SREBF2: variants seen among roughly 807,000 people sequenced by gnomAD.
SREBF2 encodes sterol regulatory element-binding protein 2.
SREBF2 carries 55 observed loss-of-function variants against 113.1 expected under a neutral mutation model. The ratio of observed to expected loss-of-function variants is 0.49; its 90% CI spans 0.39 to 0.61. The LOEUF (loss-of-function observed/expected upper bound fraction) is 0.61, where lower values mean the gene tolerates loss of function less well. Among genes scored for constraint, SREBF2 ranks in the 20% least tolerant of loss-of-function variants. SREBF2 has a pLI of 0.00. For synonymous variants in SREBF2, 593 were observed against 605.7 expected (o/e 0.98, Z 0.31); for missense variants, 1,349 against 1,487.4 (o/e 0.91, Z 1.53).
chr22:41,833,303 G>A lies in SREBF2; in HGVS notation c.33G>A (p.Glu11=). 7.7e-7 allele frequency: 1 copy of A among 1,291,374 alleles called. No homozygotes were observed. Among genetic ancestry groups the A allele is most frequent in the Non-Finnish European group, 1.0e-6 (1 of 987,220 alleles). The allele number at this position is 1,291,374 out of a possible 1,614,324, so 80.0% of individuals were successfully genotyped here. A position where few individuals can be genotyped will look rare whatever the true frequency, so the allele number is the denominator to read the frequency against. The change falls in exon 1 of 19, where the codon GAG becomes GAA. Residue 11 remains glutamate (E), a synonymous_variant. Transcript: ENST00000361204. This position sits in a 1 kb window ranked among gnomAD's most constrained non-coding sequence, Gnocchi z 4.1. The part of the protein sequence containing the change: MDDSGELGGL[E]TMETLTELGD... ...ACAGCGGCGAGCTGGGTGGTCTGGA[G>A]ACCATGGAGACCCTCACGGAGCTGG...
At chr22:41,851,359 T>TAA (rs905023655) in intron 1 of SREBF2, among the ~76,000 whole-genome samples, 1 of 148,060 alleles carries the variant, frequency 6.8e-6, no homozygotes, top group South Asian at 2.1e-4. Flanking sequence ...AATTTATGTT[T>TAA]AAAAAAAAAA....
chr22:41,905,710 C>T lies in SREBF2; in HGVS notation c.*50C>T. The T allele has an allele frequency of 6.6e-7, 1 of 1,519,932 alleles. No individual in the cohort carries two copies. The highest frequency in any genetic ancestry group is 1.2e-5 in the South Asian group (1 of 83,390). The allele number at this position is 1,519,932 out of a possible 1,614,324, so 94.2% of individuals were successfully genotyped here. On this transcript the variant is annotated 3_prime_UTR_variant, in exon 19 of 19. Coordinates refer to ENST00000361204, the MANE Select transcript of SREBF2 (RefSeq NM_004599.4). ...ACCTCTCTCTCGATTTCTCTCTCTC[C>T]CCCTCAGCATCTTCCCGCTGAGAGT...
At chr22:41,893,937 G>A (rs1302322171) in intron 12 of SREBF2, among the ~76,000 whole-genome samples, 1 of 152,168 alleles carries the variant, frequency 6.6e-6, no homozygotes, top group African/African-American at 2.4e-5. Context: ...GAGTCTGTGG[G>A]GAGAGTAAGG....
chr22:41,899,181 T>G (rs1602347731), intron 15 of SREBF2: 36 of 1,135,082 alleles, frequency 3.2e-5, no homozygotes, highest in Non-Finnish European at 4.0e-5. Flanking sequence ...CCAAAACTCA[T>G]GTGCACTGGA....
chr22:41,846,981 A>G (rs897992713), intron 1 of SREBF2, among the ~76,000 whole-genome samples: 7 of 152,240 alleles, frequency 4.6e-5, no homozygotes, highest in African/African-American at 1.7e-4. Flanking sequence ...CACAAGGCAC[A>G]TAGGATCCTC....
rs908450369 is a variant in SREBF2, at chr22:41,884,823, C to A, written c.2039-19C>A. 4 of 1,613,936 alleles carry A rather than the reference C, an allele frequency of 2.5e-6. No individual in the cohort carries two copies. Among genetic ancestry groups the A allele is most frequent in the African/African-American group, 1.3e-5 (1 of 74,912 alleles). On this transcript the variant is annotated intron_variant, in intron 10 of 18. Transcript: ENST00000361204. The stretch of plus-strand genomic sequence containing the variant: ...TTTGGGGCTCCATCAACAATAGTGT[C>A]TGTTTCTGCCCACCCTAGGGAAGCT...
At chr22:41,839,011 G>A (rs1294598177) in intron 1 of SREBF2, among the ~76,000 whole-genome samples, 2 of 152,188 alleles carry the variant, frequency 1.3e-5, no homozygotes, top group Non-Finnish European at 2.9e-5. Context: ...GGAAAGGAAA[G>A]CACCTCAAGT....
chr22:41,896,752 T>A (rs538104544), intron 13 of SREBF2, among the ~76,000 whole-genome samples: 2 of 152,160 alleles, frequency 1.3e-5, no homozygotes, highest in South Asian at 4.1e-4. Flanking sequence ...AAGAAAACTT[T>A]TGGGAGGAGA....
chr22:41,893,940 G>A (rs1056951536), intron 12 of SREBF2, among the ~76,000 whole-genome samples: 4 of 152,326 alleles, frequency 2.6e-5, no homozygotes, highest in Admixed American at 2.6e-4. Context: ...TCTGTGGGGA[G>A]AGTAAGGTTC....
intron 1 of SREBF2, among the ~76,000 whole-genome samples, chr22:41,842,104 G>A (rs1168825075): frequency 1.3e-5 from 2 of 152,216 alleles, no homozygotes; most frequent in Admixed American, 1.3e-4. Flanking sequence ...TATGGTGATT[G>A]GGAATTACAA....
intron 1 of SREBF2, among the ~76,000 whole-genome samples, chr22:41,862,914 A>T (rs1388862379): frequency 6.6e-6 from 1 of 152,132 alleles, no homozygotes; most frequent in Non-Finnish European, 1.5e-5. Flanking sequence ...ATTTTAATTT[A>T]AGTAGTCTCA....
chr22:41,897,865 A>G (rs1475960958), intron 14 of SREBF2, among the ~76,000 whole-genome samples: 2 of 152,198 alleles, frequency 1.3e-5, no homozygotes, highest in Non-Finnish European at 2.9e-5. Flanking sequence ...TGGGATCACT[A>G]CTGTCATCAT....
chr22:41,896,792 A>G (rs1289715758), intron 13 of SREBF2, among the ~76,000 whole-genome samples: 3 of 152,078 alleles, frequency 2.0e-5, no homozygotes, highest in Non-Finnish European at 2.9e-5. Flanking sequence ...TAAGGAGAGG[A>G]GTGAGGGTAG....
At position 41,873,919 on chromosome 22, in the gene SREBF2, A is replaced by G; in HGVS notation, c.989A>G (p.Glu330Gly). 6 of 1,614,192 alleles carry G rather than the reference A, an allele frequency of 3.7e-6. No homozygotes were observed. Among genetic ancestry groups the G allele is most frequent in the Non-Finnish European group, 5.1e-6 (6 of 1,180,040 alleles). Reference sequence around the variant, plus strand: ...CAGCTTGAGCCCCCCAAAGAAGGAGAAAGGCGGACAACCCATAATATCATT... The same window carrying G: ...CAGCTTGAGCCCCCCAAAGAAGGAGGAAGGCGGACAACCCATAATATCATT... ...VKQLEPPKEGERRTTHNIIEK... is the reference protein window; with the variant it reads ...VKQLEPPKEGGRRTTHNIIEK... The change falls in exon 5 of 19, where the codon GAA (glutamate) becomes GGA (glycine). Residue 330 changes from glutamate (E) to glycine (G), a missense_variant. By Grantham distance (98) the Glu-to-Gly change is moderately conservative. Coordinates refer to ENST00000361204, the MANE Select transcript of SREBF2 (RefSeq NM_004599.4).
intron 15 of SREBF2, chr22:41,899,199 G>A (rs778990833): frequency 1.8e-6 from 2 of 1,112,554 alleles, no homozygotes; most frequent in Non-Finnish European, 2.2e-6. Flanking sequence ...GGAGCATCTT[G>A]CCCCTGTGTG....
chr22:41,883,096 A>G (rs2077264856), intron 10 of SREBF2, among the ~76,000 whole-genome samples: 1 of 152,194 alleles, frequency 6.6e-6, no homozygotes, highest in South Asian at 2.1e-4. Flanking sequence ...AGAGATGAAC[A>G]GATAGAGGAT....
chr22:41,875,299 A>G, intron 5 of SREBF2, 38 bp from the exon 6 acceptor site: 1 of 1,549,982 alleles, frequency 6.5e-7, no homozygotes, highest in Non-Finnish European at 8.9e-7. Context: ...TGTAGCCTGC[A>G]CTGGTCTCAC....
At chr22:41,892,979 TG>T in intron 11 of SREBF2, 137 bp from the exon 12 acceptor site, 12 of 1,031,008 alleles carry the variant, frequency 1.2e-5, no homozygotes, top group Non-Finnish European at 1.8e-5. Flanking sequence ...CAGGTACCTG[TG>T]GGAGTCCTAT....
chr22:41,877,699 GTTT>G (rs1025285407), intron 8 of SREBF2, among the ~76,000 whole-genome samples: 6 of 152,296 alleles, frequency 3.9e-5, no homozygotes, highest in Admixed American at 3.3e-4. Context: ...AGGATATCGT[GTTT>G]TTTATCTGAG....
Sources: gnomAD v4.1 joint callset for allele counts (sites outside exome capture counted in the v4.1 genomes callset) on GRCh38, gnomAD v4.1.1 for gene constraint, Gnocchi (gnomAD v3.1) non-coding constraint, MANE v1.5 for transcripts, NCBI Gene and HGNC (gene_info 2026-07-23, HGNC 2026-07-21) for gene names.